Variants in PDE4D observed in about 807,000 individuals in gnomAD.
PDE4D encodes 3',5'-cyclic-AMP phosphodiesterase 4D.
In PDE4D, 24 loss-of-function variants were observed where a neutral mutation model predicts 87.4. That is an observed-to-expected ratio of 0.27 (90% CI 0.20 to 0.39). PDE4D has a LOEUF of 0.39. PDE4D is among the 10% of genes least tolerant of loss of function. The pLI, the probability that PDE4D is intolerant of heterozygous loss-of-function variation, is 1.00. For synonymous variants in PDE4D, 384 were observed against 383.2 expected (o/e 1.00, Z -0.02); for missense variants, 714 against 1,041.0 (o/e 0.69, Z 4.32).
intron 1 of PDE4D, among the ~76,000 whole-genome samples, chr5:59,777,377 G>T (rs184920426): frequency 6.6e-6 from 1 of 152,218 alleles, no homozygotes; most frequent in African/African-American, 2.4e-5. Flanking sequence ...ACAGAAGCCT[G>T]TTGGGAGACT....
chr5:60,391,994 T>C (rs1443133278), intron 1 of PDE4D, among the ~76,000 whole-genome samples: 1 of 152,222 alleles, frequency 6.6e-6, no homozygotes, highest in Admixed American at 6.5e-5. Context: ...GTTGGTTTTA[T>C]AACCTGGGAT....
chr5:59,901,955 C>CACACAT (rs1362994533), intron 3 of PDE4D, among the ~76,000 whole-genome samples: 4 of 150,910 alleles, frequency 2.7e-5, no homozygotes, highest in Non-Finnish European at 5.9e-5. Flanking sequence ...CACACACACA[C>CACACAT]ACACACACAC....
rs1438015850 is a variant in PDE4D, at chr5:58,971,710, G to A, written c.*2954C>T. ...CATTATTGTGTTCAGTAACTTGCAA[G>A]CTGAAATGCACTGGTTTTACACAAA... On this transcript the variant is annotated 3_prime_UTR_variant, in exon 15 of 15. Transcript: ENST00000340635. 6.6e-6 allele frequency: 1 copy of A among 152,584 alleles called. No individual in the cohort carries two copies. The highest frequency in any genetic ancestry group is 1.9e-4 in the East Asian group (1 of 5,200). 9.5% of individuals were successfully genotyped at this position (152,584 alleles called of 1,614,324 possible).
At chr5:59,075,558 T>C (rs1034886298) in intron 5 of PDE4D, among the ~76,000 whole-genome samples, 13 of 152,256 alleles carry the variant, frequency 8.5e-5, no homozygotes, top group African/African-American at 3.1e-4. Context: ...AAATAGGTAT[T>C]TATTAATATA....
chr5:59,452,792 A>G (rs1315207378), intron 1 of PDE4D, among the ~76,000 whole-genome samples: 1 of 152,184 alleles, frequency 6.6e-6, no homozygotes, highest in Non-Finnish European at 1.5e-5. Context: ...CATTCATCAC[A>G]TTTAATGTCT....
At chr5:60,038,446 G>A (rs528886096) in intron 2 of PDE4D, among the ~76,000 whole-genome samples, 87 of 152,064 alleles carry the variant, frequency 5.7e-4, no homozygotes, top group Middle Eastern at 6.8e-3. Flanking sequence ...GATATGCGGC[G>A]TTATTTCTGA....
At chr5:60,173,507 A>G (rs1310772310) in intron 2 of PDE4D, among the ~76,000 whole-genome samples, 1 of 152,084 alleles carries the variant, frequency 6.6e-6, no homozygotes, top group Non-Finnish European at 1.5e-5. Context: ...AGTCTTTGCT[A>G]TAATTATTCC....
intron 1 of PDE4D, among the ~76,000 whole-genome samples, chr5:59,575,035 A>T (rs1822896731): frequency 6.6e-6 from 1 of 152,202 alleles, no homozygotes; most frequent in Admixed American, 6.5e-5. Flanking sequence ...ATTAATTAAC[A>T]CTGATAATAT....
At chr5:58,993,050 T>TTTAA in intron 7 of PDE4D, among the ~76,000 whole-genome samples, 1 of 152,276 alleles carries the variant, frequency 6.6e-6, no homozygotes, top group East Asian at 1.9e-4. Context: ...ATGGCTGGCA[T>TTTAA]TTAATAAGAA....
chr5:59,238,141 C>G (rs76570422), intron 1 of PDE4D, among the ~76,000 whole-genome samples: 1,650 of 152,214 alleles, frequency 0.011, 19 homozygotes, highest in Non-Finnish European at 0.018. Flanking sequence ...TCTCTCCATG[C>G]CTCAGTCTCT....
At chr5:59,952,444 T>C (rs1758397246) in intron 3 of PDE4D, among the ~76,000 whole-genome samples, 1 of 152,186 alleles carries the variant, frequency 6.6e-6, no homozygotes, top group African/African-American at 2.4e-5. Context: ...AACCTGGCAT[T>C]AGCTAAACCT....
intron 1 of PDE4D, among the ~76,000 whole-genome samples, chr5:59,294,875 T>C (rs62358006): frequency 1.6e-3 from 241 of 152,330 alleles, no homozygotes; most frequent in Middle Eastern, 6.8e-3. Flanking sequence ...TTTAATAGAA[T>C]GCTCTTAGAG....
At chr5:59,041,959 A>G (rs898934461) in intron 5 of PDE4D, among the ~76,000 whole-genome samples, 7 of 152,202 alleles carry the variant, frequency 4.6e-5, no homozygotes, top group African/African-American at 1.7e-4. Flanking sequence ...CAGAATATCC[A>G]TTTTATGTCC....
intron 1 of PDE4D, among the ~76,000 whole-genome samples, chr5:59,352,832 A>T (rs1191302133): frequency 6.6e-6 from 1 of 152,154 alleles, no homozygotes; most frequent in Non-Finnish European, 1.5e-5. Flanking sequence ...TTTACTCATT[A>T]GACCTTCTAC....
At chr5:59,435,121 A>G (rs542119547) in intron 1 of PDE4D, among the ~76,000 whole-genome samples, 15 of 152,138 alleles carry the variant, frequency 9.9e-5, no homozygotes, top group Admixed American at 3.9e-4. Flanking sequence ...ATCTCTCTCA[A>G]TTATCTTTCC....
intron 1 of PDE4D, among the ~76,000 whole-genome samples, chr5:59,801,779 A>C (rs1038847513): frequency 2.0e-5 from 3 of 152,252 alleles, no homozygotes; most frequent in African/African-American, 4.8e-5. Context: ...TGTTCCAATA[A>C]TTAATGACAA....
chr5:59,165,422 C>A (rs1781781093), intron 5 of PDE4D, among the ~76,000 whole-genome samples: 2 of 152,074 alleles, frequency 1.3e-5, no homozygotes, highest in Non-Finnish European at 1.5e-5. Flanking sequence ...TACAGGTGTG[C>A]AACACCATGT....
intron 1 of PDE4D, among the ~76,000 whole-genome samples, chr5:59,516,473 A>G (rs1811172763): frequency 6.6e-6 from 1 of 152,218 alleles, no homozygotes; most frequent in African/African-American, 2.4e-5. Flanking sequence ...ATAACAGTCT[A>G]CAGCTTTCTG....
At chr5:60,089,341 AT>A (rs1774862174) in intron 2 of PDE4D, among the ~76,000 whole-genome samples, 1 of 152,190 alleles carries the variant, frequency 6.6e-6, no homozygotes, top group South Asian at 2.1e-4. Context: ...TATCCTGTAT[AT>A]TTTCTGACCA....
Sources: allele counts gnomAD v4.1 joint callset (sites outside exome capture counted in the v4.1 genomes callset), GRCh38; gene constraint gnomAD v4.1.1; transcripts MANE v1.5; gene names NCBI Gene and HGNC (gene_info 2026-07-23, HGNC 2026-07-21).